Variants in BRAT1 observed in about 807,000 individuals in gnomAD.
BRAT1 encodes the protein BRCA1 associated ATM activator 1.
BRAT1 carries 74 observed loss-of-function variants against 70.6 expected under a neutral mutation model. The observed-to-expected ratio is 1.05, with a 90% CI of 0.87 to 1.27. The LOEUF is 1.27. Among genes scored for constraint, BRAT1 ranks in the 50% most tolerant of loss-of-function variants. The pLI is 0.00. For synonymous variants in BRAT1, 615 were observed against 517.1 expected (o/e 1.19, Z -2.57); for missense variants, 1,203 against 1,098.2 (o/e 1.10, Z -1.35).
intron 2 of BRAT1, among the ~76,000 whole-genome samples, chr7:2,551,177 G>A (rs1040816225): frequency 6.6e-6 from 1 of 151,318 alleles, no homozygotes; most frequent in Non-Finnish European, 1.5e-5. Context: ...GGAGGCGGAG[G>A]TTGCAGTGAG....
At chr7:2,549,494 A>G (rs1277087446) in intron 2 of BRAT1, among the ~76,000 whole-genome samples, 1 of 152,192 alleles carries the variant, frequency 6.6e-6, no homozygotes, top group Admixed American at 6.5e-5. Context: ...AATAGAATGT[A>G]TAACTTCAAA....
At position 2,543,559 on chromosome 7, in the gene BRAT1, AG is replaced by A. The variant is rs749216871; in HGVS notation, c.803+30del. 6.0e-6 allele frequency: 9 copies of A among 1,501,800 alleles called. No individual in the cohort carries two copies. The highest frequency in any genetic ancestry group is 8.0e-6 in the Non-Finnish European group (9 of 1,125,186). 93.0% of individuals were successfully genotyped at this position (1,501,800 alleles called of 1,614,324 possible). ...ATCCGAGGAAAACAGTTGCCCACCC[AG>A]GCCCCCCAGCTGCGTCCCGGGGCCC... is the stretch of plus-strand genomic sequence containing the variant. On this transcript the variant is annotated intron_variant, in intron 5 of 13. Coordinates refer to ENST00000340611, the MANE Select transcript of BRAT1 (RefSeq NM_152743.4). The surrounding 1 kb of genome is among the most constrained non-coding windows in gnomAD (Gnocchi z 5.5).
In BRAT1 at chr7:2,541,070, G is replaced by A. The variant is rs751922798; in HGVS notation, c.1322-18C>T. On this transcript the variant is annotated intron_variant, in intron 9 of 13. Transcript: ENST00000340611. ...CTGGGGGCCTGAGACAGAGGTGAGT[G>A]GATAAACCACCCCCACCCCCACCCT... 7.1e-6 allele frequency: 11 copies of A among 1,547,270 alleles called. No individual in the cohort carries two copies. The East Asian group carries it at 1.9e-4, about 27-fold the overall frequency.
chr7:2,541,564 G>A (rs1240488362), intron 8 of BRAT1, 80 bp from the exon 9 acceptor site: 1 of 1,474,940 alleles, frequency 6.8e-7, no homozygotes, highest in East Asian at 2.5e-5. Flanking sequence ...TTCGAGGCAT[G>A]TGGGGCGGGG....
At chr7:2,548,526 C>T (rs1287286447) in intron 2 of BRAT1, among the ~76,000 whole-genome samples, 1 of 152,082 alleles carries the variant, frequency 6.6e-6, no homozygotes, top group African/African-American at 2.4e-5. Flanking sequence ...ATTAGCCCGG[C>T]ATGGTGGCAC....
In BRAT1 at chr7:2,538,243, T is replaced by G; in HGVS notation, c.2292A>C (p.Pro764=). The G allele has an allele frequency of 1.2e-6, 2 of 1,610,044 alleles. No homozygotes were observed. Among genetic ancestry groups the G allele is most frequent in the African/African-American group, 2.7e-5 (2 of 75,036 alleles). ...GCACAGCCTCAGGCTCCTGGTCCCC[T>G]GGGGGCTGGGCCTGCTCACCCGCCC... ...RWRAGEQAQP[P]GDQEPEAVLA... is the part of the protein sequence containing the mutation. The change falls in exon 14 of 14, where the codon CCA becomes CCC. Residue 764 remains proline, a synonymous_variant. Coordinates refer to ENST00000340611, the MANE Select transcript of BRAT1 (RefSeq NM_152743.4).
Position 2,541,812 on chromosome 7 carries a change from T to C in BRAT1, c.1040A>G (p.Asp347Gly), listed in dbSNP as rs773387662. ...CAGGAGTGTGTCCACCGTCGTGGCA[T>C]CGTCTGCCGTCCCGTCCAGCAAGCC... is the stretch of plus-strand genomic sequence containing the variant. ...PPGLLDGTAD[D>G]ATTVDTLLAS... The change falls in exon 8 of 14, where the codon GAT (aspartate) becomes GGT (glycine). Residue 347 changes from aspartate (D) to glycine (G), a missense_variant. Coordinates refer to ENST00000340611, the MANE Select transcript of BRAT1 (RefSeq NM_152743.4). 3 of 1,612,782 alleles carry C rather than the reference T, an allele frequency of 1.9e-6. No individual in the cohort carries two copies. Among genetic ancestry groups the C allele is most frequent in the Non-Finnish European group, 2.5e-6 (3 of 1,179,870 alleles).
Position 2,547,451 on chromosome 7 carries a change from T to A in BRAT1, c.155A>T (p.His52Leu). The A allele has an allele frequency of 1.2e-6, 2 of 1,613,908 alleles. No homozygotes were observed. The highest frequency in any genetic ancestry group is 1.7e-6 in the Non-Finnish European group (2 of 1,179,996). The change falls in exon 3 of 14, where the codon CAC becomes CTC. Residue 52 changes from histidine (H) to leucine (L), a missense_variant. By Grantham distance (99) the His-to-Leu change is moderately conservative. Transcript: ENST00000340611. ...GGACAGCAGCTCCACCAGGCAGGGG[T>A]GCTCCTGCAGCAGCACGACACTGGA... Reference protein sequence around the residue: ...GESSVVLLQEHPCLVELLSHV... With the variant: ...GESSVVLLQELPCLVELLSHV...
rs200635453 is a variant in BRAT1, at chr7:2,539,508, G to A, written c.1597+36C>T. ...CCCTGGCTCAGTGAGCCCCCCACAG[G>A]CGGGGAAGGCAGCCCCTCCACCTGC... On this transcript the variant is annotated intron_variant, in intron 12 of 13. Coordinates refer to ENST00000340611, the MANE Select transcript of BRAT1 (RefSeq NM_152743.4). 707 of 1,526,726 alleles carry A rather than the reference G, an allele frequency of 4.6e-4. 9 individuals carry two copies. The Admixed American group carries it at 0.014, about 29-fold the overall frequency. 94.6% of individuals were successfully genotyped at this position (1,526,726 alleles called of 1,614,324 possible).
chr7:2,538,222 A>G lies in BRAT1; in HGVS notation c.2313T>C (p.Ala771=), dbSNP rs2128383116. The change falls in exon 14 of 14, where the codon GCT becomes GCC. Residue 771 remains alanine, a synonymous_variant. Coordinates refer to ENST00000340611, the MANE Select transcript of BRAT1 (RefSeq NM_152743.4). ...AQPPGDQEPE[A]VLAMLRSLDL... is the part of the protein sequence containing the mutation. Reference sequence around the variant, plus strand: ...CTAGGGACCTGAGCATGGCCAGCACAGCCTCAGGCTCCTGGTCCCCTGGGG... The same window carrying G: ...CTAGGGACCTGAGCATGGCCAGCACGGCCTCAGGCTCCTGGTCCCCTGGGG... 6.2e-7 allele frequency: 1 copy of G among 1,609,598 alleles called. No individual in the cohort carries two copies. The highest frequency in any genetic ancestry group is 1.1e-5 in the South Asian group (1 of 91,020).
chr7:2,540,037 CTTTT>C, intron 10 of BRAT1, 149 bp from the exon 11 acceptor site: 1 of 587,652 alleles, frequency 1.7e-6, no homozygotes, highest in Non-Finnish European at 2.9e-6. Context: ...GGGCTTCCTT[CTTTT>C]TTAGAGACAG....
At chr7:2,546,945 A>C (rs1353412442) in intron 3 of BRAT1, among the ~76,000 whole-genome samples, 3 of 151,658 alleles carry the variant, frequency 2.0e-5, no homozygotes, top group Non-Finnish European at 4.4e-5. Context: ...GACGGGGGCC[A>C]CGGGGCAGCT....
chr7:2,554,317 C>T lies in BRAT1; in HGVS notation c.115G>A (p.Val39Ile), dbSNP rs1268088495. ...LEKLLDWFKT[V>I]TEGESSVVLL... is the part of the protein sequence containing the mutation. ...ACCACCTCCTTACCTCCTTCAGTGA[C>T]CGTTTTAAACCAGTCCAGGAGCTTC... Residue 39 changes from valine (V) to isoleucine (I), a missense_variant, in exon 2 of 14, where the codon GTC becomes ATC. Transcript: ENST00000340611. 1 of 1,613,770 alleles carries T rather than the reference C, an allele frequency of 6.2e-7. No individual in the cohort carries two copies. The highest frequency in any genetic ancestry group is 1.7e-5 in the Admixed American group (1 of 60,016).
chr7:2,541,284 C>T lies in BRAT1; in HGVS notation c.1321+14G>A. ...GGGATAGCCCCACGCCAAAGCCGTA[C>T]AGAACACACTCACCTGTCCCCTGTG... On this transcript the variant is annotated intron_variant, in intron 9 of 13. Coordinates refer to ENST00000340611, the MANE Select transcript of BRAT1 (RefSeq NM_152743.4). The T allele has an allele frequency of 7.0e-6, 11 of 1,567,768 alleles. No homozygotes were observed. The highest frequency in any genetic ancestry group is 9.5e-6 in the Non-Finnish European group (11 of 1,160,602).
At chr7:2,545,950 G>A (rs2128401150) in intron 3 of BRAT1, among the ~76,000 whole-genome samples, 1 of 152,350 alleles carries the variant, frequency 6.6e-6, no homozygotes. Flanking sequence ...ATCGTGAACG[G>A]CAAGCTAACG....
rs528820834 is a variant in BRAT1, at chr7:2,555,471, G to A, written c.-17+16C>T. 6.6e-6 allele frequency: 1 copy of A among 152,260 alleles called. No homozygotes were observed. The highest frequency in any genetic ancestry group is 1.5e-5 in the Non-Finnish European group (1 of 68,152). The allele number at this position is 152,260 out of a possible 1,614,324, so 9.4% of individuals were successfully genotyped here. A position where few individuals can be genotyped will look rare whatever the true frequency, so the allele number is the denominator to read the frequency against. Reference sequence around the variant, plus strand: ...CACTACCACGACCTCGACCCCCGAAGGCCCACGCGCCTCACCGCTCGGTTG... The same window carrying A: ...CACTACCACGACCTCGACCCCCGAAAGCCCACGCGCCTCACCGCTCGGTTG... On this transcript the variant is annotated intron_variant, in intron 1 of 13. Transcript: ENST00000340611.
intron 2 of BRAT1, among the ~76,000 whole-genome samples, chr7:2,553,944 G>A (rs1780223533): frequency 6.6e-6 from 1 of 152,064 alleles, no homozygotes; most frequent in South Asian, 2.1e-4. Context: ...ACTGCATCCG[G>A]CCCCTACTTT....
chr7:2,543,358 C>A lies in BRAT1; in HGVS notation c.804-35G>T. Reference sequence around the variant, plus strand: ...GACCCCAGAGAGAAAAATTACTCCCCCACCCTCAAAACCCCATTCGAGGCC... The same window carrying A: ...GACCCCAGAGAGAAAAATTACTCCCACACCCTCAAAACCCCATTCGAGGCC... On this transcript the variant is annotated intron_variant, in intron 5 of 13. Coordinates refer to ENST00000340611, the MANE Select transcript of BRAT1 (RefSeq NM_152743.4). The surrounding 1 kb of genome is among the most constrained non-coding windows in gnomAD (Gnocchi z 5.5). 1 of 1,549,562 alleles carries A rather than the reference C, an allele frequency of 6.5e-7. No individual in the cohort carries two copies. Among genetic ancestry groups the A allele is most frequent in the Non-Finnish European group, 8.7e-7 (1 of 1,146,928 alleles).
Position 2,543,064 on chromosome 7 carries a change from C to T in BRAT1, c.923+140G>A, listed in dbSNP as rs1779303548. ...GAAGCTGCCGCGCGCAACCCACGCA[C>T]CACCCAGTCACACCCCGCACGGCCG... On this transcript the variant is annotated intron_variant, in intron 6 of 13. Coordinates refer to ENST00000340611, the MANE Select transcript of BRAT1 (RefSeq NM_152743.4). The surrounding 1 kb of genome is among the most constrained non-coding windows in gnomAD (Gnocchi z 5.5). The T allele has an allele frequency of 1.8e-6, 2 of 1,114,950 alleles. No homozygotes were observed. The highest frequency in any genetic ancestry group is 2.7e-5 in the East Asian group (1 of 36,876). The allele number at this position is 1,114,950 out of a possible 1,614,324, so 69.1% of individuals were successfully genotyped here.
Sources: allele counts gnomAD v4.1 joint callset (sites outside exome capture counted in the v4.1 genomes callset), GRCh38; gene constraint gnomAD v4.1.1; non-coding constraint Gnocchi (gnomAD v3.1); transcripts MANE v1.5; gene names NCBI Gene and HGNC (gene_info 2026-07-23, HGNC 2026-07-21).